The following ASCC1 variants were observed in gnomAD, a reference collection of about 807,000 sequenced individuals.
The protein encoded by ASCC1 is activating signal cointegrator 1 complex subunit 1.
A neutral mutation model predicts 46.6 loss-of-function variants in ASCC1; 35 were observed. The ratio of observed to expected loss-of-function variants is 0.75; its 90% CI spans 0.57 to 0.99. The LOEUF (loss-of-function observed/expected upper bound fraction) is 0.99, where lower values mean the gene tolerates loss of function less well. Ranked by LOEUF, ASCC1 falls within the 50% of genes least tolerant of loss-of-function variation. The probability of loss-of-function intolerance (pLI) is 0.00; values close to 1 mark genes in which losing one functional copy is unlikely to be tolerated. For missense variants in ASCC1, 376 were observed against 428.7 expected (o/e 0.88, Z 1.09); for synonymous variants, 143 against 146.6 (o/e 0.98, Z 0.18).
intron 5 of ASCC1, among the ~76,000 whole-genome samples, chr10:72,192,466 AAAAG>A (rs1159942101): frequency 1.6e-4 from 25 of 152,076 alleles, no homozygotes; most frequent in African/African-American, 2.4e-4. Flanking sequence ...AAAAAAAAAA[AAAAG>A]AAAGAAAGAA....
intron 7 of ASCC1, among the ~76,000 whole-genome samples, chr10:72,138,890 A>C (rs1213024146): frequency 6.7e-6 from 1 of 150,252 alleles, no homozygotes; most frequent in African/African-American, 2.4e-5. Context: ...TTCACTGTGC[A>C]CTCCACGAAG....
At chr10:72,212,575 C>T (rs1266314975) in intron 2 of ASCC1, among the ~76,000 whole-genome samples, 5 of 151,964 alleles carry the variant, frequency 3.3e-5, no homozygotes, top group East Asian at 3.9e-4. Flanking sequence ...GGGCCAAGTG[C>T]GGTAGCTCAT....
At chr10:72,130,380 G>C (rs2132264892) in intron 8 of ASCC1, among the ~76,000 whole-genome samples, 1 of 152,240 alleles carries the variant, frequency 6.6e-6, no homozygotes, top group African/African-American at 2.4e-5. Flanking sequence ...AAATTGTAGA[G>C]TATGTGAATT....
chr10:72,099,614 A>G (rs1213569171), intron 9 of ASCC1, among the ~76,000 whole-genome samples: 1 of 152,208 alleles, frequency 6.6e-6, no homozygotes. Context: ...TGAGGTTGGG[A>G]GTTCGAGACC....
At chr10:72,161,916 T>A (rs1849743183) in intron 5 of ASCC1, among the ~76,000 whole-genome samples, 1 of 152,000 alleles carries the variant, frequency 6.6e-6, no homozygotes, top group African/African-American at 2.4e-5. Flanking sequence ...ACAAAATAGA[T>A]CATGACCTGG....
intron 7 of ASCC1, among the ~76,000 whole-genome samples, chr10:72,134,891 T>C (rs1846011512): frequency 6.6e-6 from 1 of 152,206 alleles, no homozygotes; most frequent in Admixed American, 6.5e-5. Context: ...CCTCCTTGTT[T>C]CTCACAATTA....
In ASCC1 at chr10:72,127,459, A is replaced by T. The variant is rs562811264; in HGVS notation, c.957+623T>A. Among the ~76,000 whole-genome samples the T allele has an allele frequency of 5.9e-5, 9 of 152,348 alleles. No individual in the cohort carries two copies. The East Asian group carries it at 1.7e-3, about 29-fold the overall frequency. Reference sequence around the variant, plus strand: ...AAATGGACCATCTACTTTTTAGGACATAGGCTGTTCCTGAGTAAAAATGGC... The same window carrying T: ...AAATGGACCATCTACTTTTTAGGACTTAGGCTGTTCCTGAGTAAAAATGGC... On this transcript the variant is annotated intron_variant, in intron 9 of 9. Coordinates refer to ENST00000672957, the MANE Select transcript of ASCC1 (RefSeq NM_001198800.3).
chr10:72,161,006 C>T (rs78961416), intron 6 of ASCC1, among the ~76,000 whole-genome samples: 4,939 of 151,982 alleles, frequency 0.032, 218 homozygotes, highest in African/African-American at 0.095. Context: ...TGGCGAGAAC[C>T]CAGCAGGCAG....
chr10:72,172,880 T>C (rs908180887), intron 5 of ASCC1, among the ~76,000 whole-genome samples: 3 of 133,278 alleles, frequency 2.3e-5, no homozygotes, highest in African/African-American at 8.2e-5. Context: ...TTATATATTA[T>C]ATTTTTATAT....
chr10:72,194,478 T>C (rs1165765101), intron 5 of ASCC1, among the ~76,000 whole-genome samples: 2 of 151,696 alleles, frequency 1.3e-5, no homozygotes, highest in African/African-American at 4.8e-5. Flanking sequence ...TTCCTGAAGG[T>C]AATCTGGATG....
At chr10:72,145,111 C>T (rs914404799) in intron 7 of ASCC1, among the ~76,000 whole-genome samples, 2 of 152,158 alleles carry the variant, frequency 1.3e-5, no homozygotes, top group African/African-American at 4.8e-5. Flanking sequence ...TATCATTCTG[C>T]TGTCTTTGGC....
At chr10:72,146,478 G>A (rs1389644521) in intron 7 of ASCC1, among the ~76,000 whole-genome samples, 4 of 152,166 alleles carry the variant, frequency 2.6e-5, no homozygotes, top group Non-Finnish European at 5.9e-5. Flanking sequence ...AACTGTGATA[G>A]GAAAAGGAGG....
rs745653523 is a variant in ASCC1 at position 72,196,825 on chromosome 10, C to T, written c.475G>A (p.Ala159Thr). Residue 159 changes from alanine (A) to threonine (T), a missense_variant, in exon 5 of 10, where the codon GCG (alanine) becomes ACG (threonine). Coordinates refer to ENST00000672957, the MANE Select transcript of ASCC1 (RefSeq NM_001198800.3). ...GFLRFQEEVLAKCSMDHGVDS... is the reference protein window; with the variant it reads ...GFLRFQEEVLTKCSMDHGVDS... ...TTTGCACTTACCATGGAGCACTTCG[C>T]CAGTACTTCCTCCTGGAATCTCAGG... 11 of 1,612,822 alleles carry T rather than the reference C, an allele frequency of 6.8e-6. No homozygotes were observed. The African/African-American group carries it at 9.4e-5, about 14-fold the overall frequency.
chr10:72,108,709 G>T (rs963543323), intron 9 of ASCC1, among the ~76,000 whole-genome samples: 1 of 152,090 alleles, frequency 6.6e-6, no homozygotes, highest in Non-Finnish European at 1.5e-5. Context: ...TCTTTAAACA[G>T]GGATGATCCT....
intron 7 of ASCC1, among the ~76,000 whole-genome samples, chr10:72,143,018 G>A (rs1306238471): frequency 4.0e-5 from 6 of 151,870 alleles, no homozygotes; most frequent in South Asian, 2.1e-4. Context: ...AAAATTAGCC[G>A]GACATGGTAG....
chr10:72,160,482 C>T (rs949852176), intron 6 of ASCC1, among the ~76,000 whole-genome samples: 2 of 151,892 alleles, frequency 1.3e-5, no homozygotes, highest in Non-Finnish European at 2.9e-5. Context: ...TAAAATTTTA[C>T]AGTAAAAAAA....
Position 72,114,520 on chromosome 10 carries a change from G to A in ASCC1, c.957+13562C>T, listed in dbSNP as rs139056146. 9.8e-3 allele frequency among the ~76,000 whole-genome samples: 1,492 copies of A among 151,854 alleles called. 25 individuals carry two copies. The highest frequency in any genetic ancestry group is 0.034 in the African/African-American group (1,400 of 41,442). ...GGCCCCTGTAGTCCCAGCTACTCGG[G>A]AGGCTGAGGCAGGAGAATGGTGTGA... On this transcript the variant is annotated intron_variant, in intron 9 of 9. Coordinates refer to ENST00000672957, the MANE Select transcript of ASCC1 (RefSeq NM_001198800.3).
intron 3 of ASCC1, among the ~76,000 whole-genome samples, chr10:72,205,530 C>G (rs1321869972): frequency 6.6e-6 from 1 of 151,340 alleles, no homozygotes; most frequent in South Asian, 2.1e-4. Context: ...ACTCGGGAGG[C>G]TGAGGCAGGA....
At chr10:72,138,604 T>C (rs1033648663) in intron 7 of ASCC1, among the ~76,000 whole-genome samples, 11 of 141,042 alleles carry the variant, frequency 7.8e-5, no homozygotes, top group South Asian at 7.0e-4. Flanking sequence ...TTCTTTCTTT[T>C]TTTTTTTTTT....
Sources: allele counts gnomAD v4.1 joint callset (sites outside exome capture counted in the v4.1 genomes callset), GRCh38; gene constraint gnomAD v4.1.1; transcripts MANE v1.5; gene names NCBI Gene and HGNC (gene_info 2026-07-23, HGNC 2026-07-21).